Variants in IGFL2 observed in about 807,000 individuals in gnomAD.
IGFL2 encodes insulin growth factor-like family member 2.
In IGFL2, 7 loss-of-function variants were observed where a neutral mutation model predicts 13.9. That is an observed-to-expected ratio of 0.51 (90% CI 0.29 to 0.95). IGFL2 has a LOEUF of 0.95. Ranked by LOEUF, IGFL2 falls within the 40% of genes least tolerant of loss-of-function variation. The pLI is 0.08. For synonymous variants in IGFL2, 55 were observed against 55.8 expected, an observed-to-expected ratio of 0.99 and a Z score of 0.07; for missense variants, 138 against 147.8, an observed-to-expected ratio of 0.93 and a Z score of 0.34.
upstream of IGFL2, among the ~76,000 whole-genome samples, chr19:46,147,201 C>G (rs1973182264): frequency 6.6e-6 from 1 of 152,252 alleles, no homozygotes; most frequent in African/African-American, 2.4e-5. Flanking sequence ...CACAGTTTCC[C>G]CTAAATGACT....
At chr19:46,186,134 G>T in the IGFL2 span, among the ~76,000 whole-genome samples, 1 of 152,116 alleles carries the variant, frequency 6.6e-6, no homozygotes, top group South Asian at 2.1e-4. Context: ...CAGGAGGCTC[G>T]CCCCAAATTT....
At chr19:46,097,378 T>A in the IGFL2 span, among the ~76,000 whole-genome samples, 1 of 152,228 alleles carries the variant, frequency 6.6e-6, no homozygotes, top group East Asian at 1.9e-4. Flanking sequence ...TTTATCATTT[T>A]TTATTGTGTC....
At chr19:46,171,861 T>A in the IGFL2 span, among the ~76,000 whole-genome samples, 1 of 152,110 alleles carries the variant, frequency 6.6e-6, no homozygotes, top group African/African-American at 2.4e-5. Context: ...AAGTGATAAG[T>A]TTTATAAGAA....
intron 1 of IGFL2, 156 bp from the exon 2 acceptor site, chr19:46,160,259 C>T (rs1974077661): frequency 1.5e-6 from 1 of 660,428 alleles, no homozygotes; most frequent in African/African-American, 1.8e-5. Context: ...GGACTCTTAA[C>T]TGTGTCAGTT....
chr19:46,127,560 A>G, the IGFL2 span, among the ~76,000 whole-genome samples: 5 of 152,224 alleles, frequency 3.3e-5, no homozygotes, highest in East Asian at 9.6e-4. Flanking sequence ...AATGAAAATT[A>G]TCAATCCTCC....
chr19:46,157,185 C>CT (rs1973870610), intron 1 of IGFL2, among the ~76,000 whole-genome samples: 1 of 152,156 alleles, frequency 6.6e-6, no homozygotes, highest in Admixed American at 6.5e-5. Context: ...ACCTGAGAAT[C>CT]TAACAAATGT....
At chr19:46,082,449 A>G in the IGFL2 span, among the ~76,000 whole-genome samples, 1 of 152,158 alleles carries the variant, frequency 6.6e-6, no homozygotes, top group South Asian at 2.1e-4. Flanking sequence ...TTCAGTGCAT[A>G]CTAAACCTCT....
chr19:46,098,698 C>G, the IGFL2 span, among the ~76,000 whole-genome samples: 1 of 152,042 alleles, frequency 6.6e-6, no homozygotes, highest in South Asian at 2.1e-4. Context: ...AGGCTGGTCT[C>G]GAACTTCTGA....
At chr19:46,181,665 C>T in the IGFL2 span, among the ~76,000 whole-genome samples, 1 of 152,222 alleles carries the variant, frequency 6.6e-6, no homozygotes, top group Admixed American at 6.5e-5. Context: ...ATGTCATCAA[C>T]TGTTTCAGTT....
chr19:46,090,494 A>G, the IGFL2 span, among the ~76,000 whole-genome samples: 1 of 152,154 alleles, frequency 6.6e-6, no homozygotes, highest in African/African-American at 2.4e-5. Context: ...GTCTTTGTAA[A>G]CTGGCTTTGT....
the IGFL2 span, among the ~76,000 whole-genome samples, chr19:46,182,097 A>C: frequency 6.6e-6 from 1 of 152,104 alleles, no homozygotes; most frequent in Non-Finnish European, 1.5e-5. Context: ...GACCAGGCGC[A>C]GTGGCTCACA....
chr19:46,093,025 G>A, the IGFL2 span, among the ~76,000 whole-genome samples: 139 of 152,042 alleles, frequency 9.1e-4, no homozygotes, highest in African/African-American at 3.0e-3. Context: ...ATTAAAGTTC[G>A]CCTCAAGCTA....
At chr19:46,082,333 T>C in the IGFL2 span, among the ~76,000 whole-genome samples, 2 of 152,132 alleles carry the variant, frequency 1.3e-5, no homozygotes, top group Non-Finnish European at 2.9e-5. Context: ...AGGGGAGAAC[T>C]GGAAGGCAAA....
downstream of IGFL2, among the ~76,000 whole-genome samples, chr19:46,165,233 G>T (rs945953712): frequency 6.6e-6 from 1 of 152,226 alleles, no homozygotes; most frequent in Non-Finnish European, 1.5e-5. Context: ...AGGTTAGGGC[G>T]CAGCCTGTGG....
the IGFL2 span, among the ~76,000 whole-genome samples, chr19:46,133,115 A>G: frequency 6.6e-6 from 1 of 152,176 alleles, no homozygotes; most frequent in Non-Finnish European, 1.5e-5. Flanking sequence ...AAGTTCAGGC[A>G]GCTGCTTGTC....
chr19:46,081,470 C>T, the IGFL2 span, among the ~76,000 whole-genome samples: 19 of 152,104 alleles, frequency 1.2e-4, no homozygotes, highest in African/African-American at 3.1e-4. Context: ...CACTCGTGTC[C>T]GCTTTCTGGT....
At chr19:46,211,587 C>T in the IGFL2 span, 1 of 152,144 alleles carries the variant, frequency 6.6e-6, no homozygotes, top group Admixed American at 6.5e-5. Context: ...CGGGGTTTCA[C>T]ATTCCGGGTT....
chr19:46,149,138 ATCTCTCTCTCTCCC>A, intron 1 of IGFL2: 5 of 764,766 alleles, frequency 6.5e-6, no homozygotes, highest in South Asian at 3.0e-5. Context: ...TTGGGCAACC[ATCTCTCTCTCTCCC>A]TCTCTCTCTT....
the IGFL2 span, among the ~76,000 whole-genome samples, chr19:46,171,787 C>T: frequency 2.1e-3 from 323 of 152,210 alleles, no homozygotes; most frequent in African/African-American, 7.0e-3. Context: ...TGTTGAATGG[C>T]CTAGATGGAG....
Sources: allele counts gnomAD v4.1 joint callset (sites outside exome capture counted in the v4.1 genomes callset), GRCh38; gene constraint gnomAD v4.1.1; transcripts MANE v1.5; gene names NCBI Gene and HGNC (gene_info 2026-07-23, HGNC 2026-07-21).